The following FAM177A1 variants were observed in gnomAD, a reference collection of about 807,000 sequenced individuals.
The protein encoded by FAM177A1 is protein FAM177A1.
Under a neutral mutation model 26.1 loss-of-function variants are expected in FAM177A1, and 22 were observed. That is an observed-to-expected ratio of 0.84 (90% CI 0.60 to 1.20). The LOEUF is 1.20. Among genes scored for constraint, FAM177A1 ranks in the 50% most tolerant of loss-of-function variants. FAM177A1 has a pLI of 0.00. For missense variants in FAM177A1, 296 were observed against 291.1 expected, an observed-to-expected ratio of 1.02 and a Z score of -0.12; for synonymous variants, 95 against 99.3, an observed-to-expected ratio of 0.96 and a Z score of 0.26.
chr14:35,079,691 C>T (rs185605060), intron 4 of FAM177A1, among the ~76,000 whole-genome samples: 145 of 152,170 alleles, frequency 9.5e-4, no homozygotes, highest in African/African-American at 3.3e-3. Flanking sequence ...GGGGGCTGCT[C>T]TACAGATTAA....
intron 1 of FAM177A1, chr14:35,050,199 G>C (rs2044941877): frequency 6.6e-6 from 1 of 151,810 alleles, no homozygotes. Context: ...AGTAGAGGTG[G>C]GATTTCACCA....
chr14:35,077,325 A>T, intron 3 of FAM177A1, 109 bp downstream of exon 3: 1 of 967,416 alleles, frequency 1.0e-6, no homozygotes, highest in Non-Finnish European at 1.7e-6. Flanking sequence ...TAGGGAGTTA[A>T]TCACTGTCCT....
upstream of FAM177A1, chr14:35,046,083 G>A (rs2044854335): frequency 1.2e-5 from 2 of 171,418 alleles, no homozygotes; most frequent in African/African-American, 4.7e-5. Flanking sequence ...GACTGCCCCA[G>A]ACGCCGCTGG....
chr14:35,056,263 G>A (rs958726276), intron 2 of FAM177A1, among the ~76,000 whole-genome samples: 3 of 152,144 alleles, frequency 2.0e-5, no homozygotes, highest in Non-Finnish European at 4.4e-5. Context: ...TTAAACTCCT[G>A]ACCTCAAGTG....
intron 4 of FAM177A1, among the ~76,000 whole-genome samples, chr14:35,080,103 T>G (rs1238403949): frequency 6.6e-6 from 1 of 152,184 alleles, no homozygotes; most frequent in Non-Finnish European, 1.5e-5. Flanking sequence ...TTACTCACTG[T>G]GTACTGACTA....
intron 2 of FAM177A1, among the ~76,000 whole-genome samples, chr14:35,066,696 C>T (rs767699180): frequency 1.2e-4 from 19 of 152,008 alleles, no homozygotes; most frequent in Non-Finnish European, 1.9e-4. Context: ...TGAGCCACCG[C>T]GCCTGGCCAT....
chr14:35,048,028 A>C (rs1335179624), intron 1 of FAM177A1, among the ~76,000 whole-genome samples: 1 of 152,152 alleles, frequency 6.6e-6, no homozygotes, highest in Non-Finnish European at 1.5e-5. Flanking sequence ...AAGAAACCCC[A>C]AAAACAAAAA....
intron 1 of FAM177A1, among the ~76,000 whole-genome samples, chr14:35,049,116 C>A (rs1187447186): frequency 6.6e-6 from 1 of 152,016 alleles, no homozygotes; most frequent in African/African-American, 2.4e-5. Flanking sequence ...GTCTTGAAGT[C>A]CTGACCTTGT....
chr14:35,059,360 A>G (rs954941613), intron 2 of FAM177A1, among the ~76,000 whole-genome samples: 2 of 152,064 alleles, frequency 1.3e-5, no homozygotes, highest in Non-Finnish European at 2.9e-5. Flanking sequence ...ATCCAATCTA[A>G]CAATCTCTGC....
At chr14:35,069,411 A>G (rs941396556) in intron 2 of FAM177A1, among the ~76,000 whole-genome samples, 7 of 150,588 alleles carry the variant, frequency 4.6e-5, no homozygotes, top group Non-Finnish European at 2.9e-5. Context: ...TCAGCCTCCC[A>G]AGTAGCTGGG....
intron 1 of FAM177A1, among the ~76,000 whole-genome samples, chr14:35,051,991 A>G (rs1042946931): frequency 6.6e-6 from 1 of 152,256 alleles, no homozygotes; most frequent in Non-Finnish European, 1.5e-5. Flanking sequence ...TATAACCACA[A>G]GAATCTTTAT....
At chr14:35,079,184 C>T (rs148123388) in intron 4 of FAM177A1, among the ~76,000 whole-genome samples, 160 bp downstream of exon 4, 14 of 152,266 alleles carry the variant, frequency 9.2e-5, no homozygotes, top group African/African-American at 3.1e-4. Flanking sequence ...AAGTAACATA[C>T]ATTTTGGAAT....
intron 2 of FAM177A1, among the ~76,000 whole-genome samples, chr14:35,075,539 T>G (rs7158540): frequency 1 from 150,700 of 151,250 alleles, 75,075 homozygotes; most frequent in Middle Eastern, 1. Flanking sequence ...ATAGGCATGG[T>G]CAAGGACTTC....
intron 1 of FAM177A1, among the ~76,000 whole-genome samples, chr14:35,052,653 A>G (rs1022311574): frequency 6.6e-6 from 1 of 152,126 alleles, no homozygotes; most frequent in Non-Finnish European, 1.5e-5. Context: ...GCTCAGGCAC[A>G]GTGACGTATG....
intron 2 of FAM177A1, chr14:35,054,554 C>G (rs1352154071): frequency 6.6e-6 from 1 of 151,984 alleles, no homozygotes. Flanking sequence ...TAAATATATA[C>G]TATAATTATC....
At chr14:35,057,630 T>G (rs1223712239) in intron 2 of FAM177A1, among the ~76,000 whole-genome samples, 1 of 152,158 alleles carries the variant, frequency 6.6e-6, no homozygotes, top group Non-Finnish European at 1.5e-5. Flanking sequence ...TCTGCCCGCC[T>G]CGGCCTCCCA....
chr14:35,072,843 C>T (rs1399956982), intron 2 of FAM177A1, among the ~76,000 whole-genome samples: 2 of 152,126 alleles, frequency 1.3e-5, no homozygotes, highest in African/African-American at 4.8e-5. Context: ...AAACGCTCCA[C>T]CCTCCACCCC....
intron 2 of FAM177A1, among the ~76,000 whole-genome samples, chr14:35,069,225 G>A (rs1434834159): frequency 2.0e-5 from 3 of 150,746 alleles, no homozygotes; most frequent in Non-Finnish European, 4.4e-5. Flanking sequence ...CAGTTTGAAT[G>A]TATCGTTGGG....
chr14:35,052,379 G>A (rs981430686), intron 1 of FAM177A1, among the ~76,000 whole-genome samples: 2 of 151,730 alleles, frequency 1.3e-5, no homozygotes, highest in African/African-American at 4.8e-5. Flanking sequence ...CCGCTGCTGC[G>A]CCCAGCTAAT....
Sources: gnomAD v4.1 joint callset for allele counts (sites outside exome capture counted in the v4.1 genomes callset) on GRCh38, gnomAD v4.1.1 for gene constraint, MANE v1.5 for transcripts, NCBI Gene and HGNC (gene_info 2026-07-23, HGNC 2026-07-21) for gene names.